KDM7A: variants seen among roughly 807,000 people sequenced by gnomAD.
KDM7A encodes lysine-specific demethylase 7A.
KDM7A carries 28 observed loss-of-function variants against 114.8 expected under a neutral mutation model. The observed-to-expected ratio is 0.24, with a 90% confidence interval of 0.18 to 0.33. The LOEUF is 0.33. KDM7A is among the 10% of genes least tolerant of loss of function. KDM7A has a pLI of 1.00. For missense variants in KDM7A, 942 were observed against 1,142.5 expected, an observed-to-expected ratio of 0.82 and a Z score of 2.53; for synonymous variants, 423 against 397.8, an observed-to-expected ratio of 1.06 and a Z score of -0.75.
intron 14 of KDM7A, among the ~76,000 whole-genome samples, 159 bp downstream of exon 14, chr7:140,098,720 T>C (rs1347398640): frequency 6.6e-6 from 1 of 152,212 alleles, no homozygotes; most frequent in Non-Finnish European, 1.5e-5. Context: ...GCATTCACGT[T>C]CAGCACTTCT....
intron 10 of KDM7A, among the ~76,000 whole-genome samples, chr7:140,112,006 T>C (rs945847492): frequency 5.9e-5 from 9 of 151,822 alleles, no homozygotes; most frequent in African/African-American, 2.2e-4. Flanking sequence ...GAATCACACA[T>C]CTAAAGCCTT....
rs1817991865 is a variant in KDM7A at position 140,089,882 on chromosome 7, A to G, written c.*1212T>C. 6.6e-6 allele frequency: 1 copy of G among 152,240 alleles called. No individual in the cohort carries two copies. Among genetic ancestry groups the G allele is most frequent in the African/African-American group, 2.4e-5 (1 of 41,450 alleles). The allele number at this position is 152,240 out of a possible 1,614,324, so 9.4% of individuals were successfully genotyped here. ...TAAGAAATAAAAAAAGTAAATACAC[A>G]CAAAAGATCTATTCCAACATGCTTG... On this transcript the variant is annotated 3_prime_UTR_variant, in exon 20 of 20. Coordinates refer to ENST00000397560, the MANE Select transcript of KDM7A (RefSeq NM_030647.2).
Position 140,086,309 on chromosome 7 carries a change from T to A in KDM7A, c.*4785A>T, listed in dbSNP as rs1401822104. 2 of 152,170 alleles carry A rather than the reference T, an allele frequency of 1.3e-5. No homozygotes were observed. The highest frequency in any genetic ancestry group is 3.9e-4 in the East Asian group (2 of 5,194). 9.4% of individuals were successfully genotyped at this position (152,170 alleles called of 1,614,324 possible). On this transcript the variant is annotated 3_prime_UTR_variant, in exon 20 of 20. Coordinates refer to ENST00000397560, the MANE Select transcript of KDM7A (RefSeq NM_030647.2). ...ATGTTATACTTGTTAAGACAAAGTCTTAAGACACTAGAAGGGGCACCAGGG... is the reference window on the plus strand; with the variant it reads ...ATGTTATACTTGTTAAGACAAAGTCATAAGACACTAGAAGGGGCACCAGGG...
At chr7:140,111,618 T>A (rs1339917336) in intron 10 of KDM7A, among the ~76,000 whole-genome samples, 1 of 152,242 alleles carries the variant, frequency 6.6e-6, no homozygotes, top group Non-Finnish European at 1.5e-5. Context: ...TTGTACTTTT[T>A]TTTCTTTTAA....
chr7:140,143,716 T>C (rs1324972839), intron 1 of KDM7A, among the ~76,000 whole-genome samples: 1 of 152,158 alleles, frequency 6.6e-6, no homozygotes, highest in East Asian at 1.9e-4. Context: ...TTTGAGAGCT[T>C]GAGTAGAGCT....
intron 1 of KDM7A, among the ~76,000 whole-genome samples, chr7:140,166,031 T>C (rs1794570836): frequency 1.3e-5 from 2 of 152,232 alleles, no homozygotes; most frequent in African/African-American, 4.8e-5. Flanking sequence ...ATTCAGTTAC[T>C]GTTGTTAATC....
At chr7:140,121,330 G>T (rs1371397067) in intron 7 of KDM7A, among the ~76,000 whole-genome samples, 3 of 152,142 alleles carry the variant, frequency 2.0e-5, no homozygotes, top group Admixed American at 6.5e-5. Context: ...ACACATATTT[G>T]TATGCAAATT....
chr7:140,086,563 T>C lies in KDM7A; in HGVS notation c.*4531A>G, dbSNP rs775033359. The C allele has an allele frequency of 2.0e-5, 3 of 152,134 alleles. No individual in the cohort carries two copies. Among genetic ancestry groups the C allele is most frequent in the Non-Finnish European group, 4.4e-5 (3 of 68,006 alleles). 9.4% of individuals were successfully genotyped at this position (152,134 alleles called of 1,614,324 possible). ...GGAAGGGCTTCTAGGAAGGCTACAG[T>C]ATTAAGATTACATTACGTTCAACAG... On this transcript the variant is annotated 3_prime_UTR_variant, in exon 20 of 20. Transcript: ENST00000397560.
Position 140,114,378 on chromosome 7 carries a change from C to T in KDM7A, c.1247-796G>A, listed in dbSNP as rs939178084. Among the ~76,000 whole-genome samples the T allele has an allele frequency of 7.0e-4, 105 of 150,932 alleles. 1 individual carries two copies. The highest frequency in any genetic ancestry group is 1.2e-3 in the Non-Finnish European group (82 of 67,572). The stretch of plus-strand genomic sequence containing the variant: ...GGAGACGGGGTTTCGCTGTGTTGGC[C>T]GGGCTGGTCTCCAGCTCCTAACCGC... On this transcript the variant is annotated intron_variant, in intron 9 of 19. Coordinates refer to ENST00000397560, the MANE Select transcript of KDM7A (RefSeq NM_030647.2).
chr7:140,174,979 A>C lies in KDM7A; in HGVS notation c.194+1765T>G, dbSNP rs528101846. 2.6e-5 allele frequency among the ~76,000 whole-genome samples: 4 copies of C among 152,354 alleles called. No homozygotes were observed. In the East Asian group the frequency reaches 7.7e-4, roughly 29 times the overall value. ...AAAAATAGTTCTTTGAAAAAAAATA[A>C]GCATTTACATAATCACCAGGGATTC... On this transcript the variant is annotated intron_variant, in intron 1 of 19. Transcript: ENST00000397560.
intron 1 of KDM7A, among the ~76,000 whole-genome samples, chr7:140,159,893 T>C (rs1225393975): frequency 2.6e-5 from 4 of 151,534 alleles, no homozygotes; most frequent in African/African-American, 9.7e-5. Context: ...CCTCCTGCTT[T>C]GTATAGCCAT....
intron 1 of KDM7A, among the ~76,000 whole-genome samples, chr7:140,144,819 G>GGA (rs1794323334): frequency 6.6e-6 from 1 of 152,130 alleles, no homozygotes; most frequent in Non-Finnish European, 1.5e-5. Context: ...GATCCCTCAG[G>GGA]AATGTCTTGT....
At chr7:140,115,049 T>C (rs7810267) in intron 9 of KDM7A, among the ~76,000 whole-genome samples, 64,667 of 150,580 alleles carry the variant, frequency 0.43, 14,124 homozygotes, top group Middle Eastern at 0.49. Flanking sequence ...GGGCAGCCCC[T>C]GCTCGGCCAG....
chr7:140,169,724 C>T lies in KDM7A; in HGVS notation c.194+7020G>A, dbSNP rs188090961. On this transcript the variant is annotated intron_variant, in intron 1 of 19. Transcript: ENST00000397560. ...TATTTTTAGTAGAGATAGGGTTTCA[C>T]CATGTTGGTCAGGCTGGTGTCGAAC... Among the ~76,000 whole-genome samples the T allele has an allele frequency of 7.9e-5, 12 of 152,164 alleles. No homozygotes were observed. The East Asian group carries it at 2.3e-3, about 29-fold the overall frequency.
intron 17 of KDM7A, among the ~76,000 whole-genome samples, chr7:140,095,940 G>C (rs1818101975): frequency 6.6e-6 from 1 of 151,920 alleles, no homozygotes; most frequent in Non-Finnish European, 1.5e-5. Flanking sequence ...CAAGCTCCTG[G>C]TATACAATTG....
intron 19 of KDM7A, 90 bp from the exon 20 acceptor site, chr7:140,091,278 GAAGT>G (rs895443913): frequency 4.5e-6 from 4 of 883,034 alleles, no homozygotes; most frequent in Non-Finnish European, 7.7e-6. Flanking sequence ...TTCTTTATGG[GAAGT>G]AAGCCCTTAG....
intron 11 of KDM7A, among the ~76,000 whole-genome samples, chr7:140,102,765 G>C (rs1818254412): frequency 6.6e-6 from 1 of 152,128 alleles, no homozygotes; most frequent in South Asian, 2.1e-4. Context: ...TTAGGCTGCT[G>C]TTCTTTCCGA....
At chr7:140,155,132 AGAAACAAACAAATT>A in intron 1 of KDM7A, among the ~76,000 whole-genome samples, 1 of 152,334 alleles carries the variant, frequency 6.6e-6, no homozygotes, top group East Asian at 1.9e-4. Context: ...TAACCTCAAA[AGAAACAAACAAATT>A]GTTTGTCTCC....
Position 140,096,659 on chromosome 7 carries a change from G to T in KDM7A, c.2270C>A (p.Thr757Lys), listed in dbSNP as rs1348544854. 6.2e-7 allele frequency: 1 copy of T among 1,613,984 alleles called. No individual in the cohort carries two copies. The highest frequency in any genetic ancestry group is 2.2e-5 in the East Asian group (1 of 44,886). Reference protein sequence around the residue: ...STCLQRQIQSTDCSGERNSLQ... With the variant: ...STCLQRQIQSKDCSGERNSLQ... ...AGAGTTTCTTTCACCACTGCAGTCT[G>T]TGCTTTGTATTTGCCTTTGTAAACA... Residue 757 changes from threonine (T) to lysine (K), a missense_variant, in exon 17 of 20, where the codon ACA (threonine) becomes AAA (lysine). By Grantham distance (78) the Thr-to-Lys change is moderately conservative. Around this residue, in one of 4 missense-constraint regions of KDM7A, gnomAD observed 512 missense variants for 576.6 expected, o/e 0.89. Coordinates refer to ENST00000397560, the MANE Select transcript of KDM7A (RefSeq NM_030647.2).
Sources: gnomAD v4.1 joint callset for allele counts (sites outside exome capture counted in the v4.1 genomes callset) on GRCh38, gnomAD v4.1.1 for gene constraint, gnomAD v4.1.1 regional missense constraint, MANE v1.5 for transcripts, NCBI Gene and HGNC (gene_info 2026-07-23, HGNC 2026-07-21) for gene names.